TP63: variants seen among roughly 807,000 people sequenced by gnomAD.
The protein encoded by TP63 is tumor protein p63.
A neutral mutation model predicts 82.8 loss-of-function variants in TP63; 17 were observed. The ratio of observed to expected loss-of-function variants is 0.21; its 90% CI spans 0.14 to 0.31. The LOEUF (loss-of-function observed/expected upper bound fraction) is 0.31. TP63 is among the 10% of genes least tolerant of loss of function. The pLI is 1.00. For synonymous variants in TP63, 330 were observed against 321.7 expected, an observed-to-expected ratio of 1.03 and a Z score of -0.28; for missense variants, 648 against 895.3, an observed-to-expected ratio of 0.72 and a Z score of 3.52.
At chr3:189,878,364 T>C (rs1719474118) in intron 10 of TP63, among the ~76,000 whole-genome samples, 1 of 148,474 alleles carries the variant, frequency 6.7e-6, no homozygotes, top group Non-Finnish European at 1.5e-5. Flanking sequence ...ATTATGGAAC[T>C]ACACAAGCTT....
At chr3:189,781,343 T>C (rs755988812) in intron 3 of TP63, among the ~76,000 whole-genome samples, 2 of 152,166 alleles carry the variant, frequency 1.3e-5, no homozygotes, top group African/African-American at 4.8e-5. Context: ...AAAGGTGGTG[T>C]GCATACTGGA....
chr3:189,879,041 T>C (rs1719606556), intron 10 of TP63, among the ~76,000 whole-genome samples: 1 of 152,220 alleles, frequency 6.6e-6, no homozygotes, highest in South Asian at 2.1e-4. Flanking sequence ...ATAGATTAAA[T>C]TACTTTTGTA....
chr3:189,880,152 C>A (rs1719750801), intron 10 of TP63: 1 of 1,613,636 alleles, frequency 6.2e-7, no homozygotes, highest in Admixed American at 1.7e-5. Flanking sequence ...ACATTCCAAG[C>A]CCCCAAACCG....
intron 1 of TP63, among the ~76,000 whole-genome samples, chr3:189,703,131 C>T (rs534484970): frequency 6.6e-6 from 1 of 152,282 alleles, no homozygotes; most frequent in East Asian, 1.9e-4. Context: ...AAGGCCACTC[C>T]ATGTTCACAA....
At chr3:189,760,214 C>T (rs530669790) in intron 3 of TP63, among the ~76,000 whole-genome samples, 2 of 152,308 alleles carry the variant, frequency 1.3e-5, no homozygotes, top group African/African-American at 4.8e-5. Context: ...GCCTTCCCAA[C>T]AGTCCCCCAA....
chr3:189,672,821 G>A (rs1560100273), intron 1 of TP63, among the ~76,000 whole-genome samples: 1 of 151,904 alleles, frequency 6.6e-6, no homozygotes, highest in Non-Finnish European at 1.5e-5. Context: ...GCCAACAATT[G>A]GTTTTTTTAA....
chr3:189,875,128 G>A (rs1221690906), intron 10 of TP63, among the ~76,000 whole-genome samples: 1 of 151,918 alleles, frequency 6.6e-6, no homozygotes, highest in Non-Finnish European at 1.5e-5. Context: ...CTCTGTGGTT[G>A]TAGCACAGAA....
chr3:189,608,551 T>G, the TP63 span, among the ~76,000 whole-genome samples: 1 of 152,156 alleles, frequency 6.6e-6, no homozygotes, highest in Non-Finnish European at 1.5e-5. Context: ...CAAAAATTTG[T>G]GTAAGTTTTA....
At position 189,864,436 on chromosome 3, in the gene TP63, C is replaced by T. The variant is rs1178031299; in HGVS notation, c.766+18C>T. 6 of 1,607,194 alleles carry T rather than the reference C, an allele frequency of 3.7e-6. No individual in the cohort carries two copies. The South Asian group carries it at 6.6e-5, about 18-fold the overall frequency. On this transcript the variant is annotated intron_variant, in intron 5 of 13. Transcript: ENST00000264731. The stretch of plus-strand genomic sequence containing the variant: ...CAACGAGGGTAAGCAGAATTTGAAT[C>T]TCTAACTGTTCAACCTCCTTGAAGG...
At chr3:189,809,921 G>A (rs182483087) in intron 4 of TP63, among the ~76,000 whole-genome samples, 2 of 152,306 alleles carry the variant, frequency 1.3e-5, no homozygotes, top group Admixed American at 1.3e-4. Context: ...CTTGTGTGTA[G>A]CTGGGCCTGT....
chr3:189,685,462 G>T (rs892924601), intron 1 of TP63, among the ~76,000 whole-genome samples: 2 of 151,774 alleles, frequency 1.3e-5, no homozygotes, highest in Non-Finnish European at 2.9e-5. Flanking sequence ...AGCTTCTTTT[G>T]TTCTCTAAGG....
intron 1 of TP63, among the ~76,000 whole-genome samples, chr3:189,735,228 C>T (rs942235193): frequency 3.3e-5 from 5 of 152,184 alleles, no homozygotes; most frequent in African/African-American, 4.8e-5. Context: ...TGGAGCCCCA[C>T]GTGCCTTTTC....
At chr3:189,863,163 C>T (rs538791230) in intron 4 of TP63, among the ~76,000 whole-genome samples, 5 of 152,178 alleles carry the variant, frequency 3.3e-5, no homozygotes, top group African/African-American at 4.8e-5. Context: ...GGCCAACTTA[C>T]GATTGCAACC....
intron 3 of TP63, among the ~76,000 whole-genome samples, chr3:189,770,991 A>G (rs1723296949): frequency 6.6e-6 from 1 of 152,040 alleles, no homozygotes; most frequent in African/African-American, 2.4e-5. Context: ...CTTGCTCCTC[A>G]CAACAACAGG....
chr3:189,665,353 C>T (rs553301853), intron 1 of TP63, among the ~76,000 whole-genome samples: 3 of 152,112 alleles, frequency 2.0e-5, no homozygotes, highest in South Asian at 4.1e-4. Flanking sequence ...TGATCAGCTT[C>T]TGCTATTCAC....
chr3:189,819,769 T>C (rs1214269316), intron 4 of TP63, among the ~76,000 whole-genome samples: 1 of 46,950 alleles, frequency 2.1e-5, no homozygotes, highest in Non-Finnish European at 5.8e-5. Context: ...TTTTTTTTTT[T>C]GAGACAGTCT....
In TP63 at chr3:189,889,353, C is replaced by T. The variant is rs1720779598; in HGVS notation, c.1521C>T (p.Gly507=). Residue 507 remains glycine, a synonymous_variant, in exon 12 of 14, where the codon GGC becomes GGT. Coordinates refer to ENST00000264731, the MANE Select transcript of TP63 (RefSeq NM_003722.5). ...DGMGANIPMM[G]THMPMAGDMN... ...GCTTCTGTTCAGTTCCCATGATGGG[C>T]ACCCACATGCCAATGGCTGGAGACA... 6.2e-7 allele frequency: 1 copy of T among 1,614,042 alleles called. No homozygotes were observed. Among genetic ancestry groups the T allele is most frequent in the Non-Finnish European group, 8.5e-7 (1 of 1,180,032 alleles).
intron 1 of TP63, among the ~76,000 whole-genome samples, chr3:189,684,057 T>C (rs16848860): frequency 0.17 from 26,078 of 152,096 alleles, 2,356 homozygotes; most frequent in South Asian, 0.26. Context: ...ATACAAGGTG[T>C]GAGTGGGTAA....
chr3:189,862,075 T>C (rs536477105), intron 4 of TP63, among the ~76,000 whole-genome samples: 1 of 152,350 alleles, frequency 6.6e-6, no homozygotes, highest in South Asian at 2.1e-4. Flanking sequence ...TTAGTGTGAA[T>C]ATTTATGAAT....
Sources: allele counts gnomAD v4.1 joint callset (sites outside exome capture counted in the v4.1 genomes callset), GRCh38; gene constraint gnomAD v4.1.1; transcripts MANE v1.5; gene names NCBI Gene and HGNC (gene_info 2026-07-23, HGNC 2026-07-21).